The following ZNF503 variants were observed in gnomAD, a reference collection of about 807,000 sequenced individuals.
ZNF503 encodes the protein zinc finger protein 503.
A neutral mutation model predicts 34.4 loss-of-function variants in ZNF503; 15 were observed. The observed-to-expected ratio is 0.44, with a 90% CI of 0.29 to 0.67. The LOEUF is 0.67. Among genes scored for constraint, ZNF503 ranks in the 30% least tolerant of loss-of-function variants. The pLI, the probability that ZNF503 is intolerant of heterozygous loss-of-function variation, is 0.13. For missense variants in ZNF503, 1,007 were observed against 926.8 expected (o/e 1.09, Z -1.12); for synonymous variants, 580 against 456.8 (o/e 1.27, Z -3.44).
chr10:75,342,324 A>T, the ZNF503 span, among the ~76,000 whole-genome samples: 2 of 152,158 alleles, frequency 1.3e-5, no homozygotes, highest in African/African-American at 4.8e-5. Context: ...AGGTTCCCCA[A>T]GAAACAGACT....
the ZNF503 span, among the ~76,000 whole-genome samples, chr10:75,324,262 G>A: frequency 6.6e-6 from 1 of 151,482 alleles, no homozygotes; most frequent in African/African-American, 2.4e-5. Context: ...ATTTCTTCTA[G>A]AAGTACTGTA....
At chr10:75,365,147 G>C in the ZNF503 span, among the ~76,000 whole-genome samples, 1 of 152,150 alleles carries the variant, frequency 6.6e-6, no homozygotes, top group Non-Finnish European at 1.5e-5. Flanking sequence ...GTCCATCTCA[G>C]TTTTTCCTTT....
At chr10:75,364,918 T>A in the ZNF503 span, among the ~76,000 whole-genome samples, 3 of 152,080 alleles carry the variant, frequency 2.0e-5, no homozygotes, top group Non-Finnish European at 2.9e-5. Flanking sequence ...AGAGAGCAGG[T>A]TTAGGTAAGT....
chr10:75,401,381 A>T lies in ZNF503; in HGVS notation c.39T>A (p.Ser13Arg). Residue 13 changes from serine to arginine, a missense_variant, in exon 1 of 2, where the codon AGT (serine) becomes AGA (arginine). Ser to Arg is a moderately radical substitution (Grantham distance 110). Transcript: ENST00000372524. Reference protein sequence around the residue: ...TAPSLSALRSSKHSGGGGGGG... With the variant: ...TAPSLSALRSRKHSGGGGGGG... Reference sequence around the variant, plus strand: ...CGCCGCCGCCGCCGCCGCTGTGCTTACTGCTTCTTAGGGCAGAAAGCGAGG... The same window carrying T: ...CGCCGCCGCCGCCGCCGCTGTGCTTTCTGCTTCTTAGGGCAGAAAGCGAGG... 1.3e-6 allele frequency: 2 copies of T among 1,537,924 alleles called. No homozygotes were observed. Among genetic ancestry groups the T allele is most frequent in the Non-Finnish European group, 8.7e-7 (1 of 1,145,238 alleles).
chr10:75,377,256 A>G, the ZNF503 span, among the ~76,000 whole-genome samples: 1 of 152,190 alleles, frequency 6.6e-6, no homozygotes, highest in Admixed American at 6.5e-5. Flanking sequence ...CCCAGTGACA[A>G]GGTAACCTCC....
the ZNF503 span, among the ~76,000 whole-genome samples, chr10:75,342,292 G>A: frequency 1.3e-5 from 2 of 152,154 alleles, no homozygotes; most frequent in Admixed American, 1.3e-4. Context: ...GTGGGTTTCA[G>A]CTCCCACTTG....
the ZNF503 span, among the ~76,000 whole-genome samples, chr10:75,344,312 T>C: frequency 2.0e-5 from 3 of 152,198 alleles, no homozygotes; most frequent in Non-Finnish European, 4.4e-5. Flanking sequence ...TCTTCCTACT[T>C]GCTTCAACAT....
the ZNF503 span, among the ~76,000 whole-genome samples, chr10:75,386,159 T>A: frequency 1.3e-5 from 2 of 152,212 alleles, no homozygotes; most frequent in African/African-American, 4.8e-5. Context: ...CAGCTGGGTG[T>A]AGCCACGTGA....
chr10:75,318,947 CCTCT>C, the ZNF503 span, among the ~76,000 whole-genome samples: 209 of 148,906 alleles, frequency 1.4e-3, 1 homozygote, highest in Middle Eastern at 3.4e-3. Flanking sequence ...TCCTTCCTTC[CCTCT>C]CTCTCTCTCT....
At chr10:75,329,459 C>CTTTCTTTCTTTCTTTCTTTT in the ZNF503 span, among the ~76,000 whole-genome samples, 2 of 54,768 alleles carry the variant, frequency 3.7e-5, no homozygotes, top group African/African-American at 8.7e-5. Context: ...TTCTTTCTTT[C>CTTTCTTTCTTTCTTTCTTTT]TCTTTCTTTC....
intron 1 of ZNF503, chr10:75,400,896 G>A (rs1264654331): frequency 2.8e-6 from 2 of 722,614 alleles, no homozygotes; most frequent in Admixed American, 2.9e-5. Context: ...ACAAGTATTG[G>A]CAGCCTTGCT....
chr10:75,369,032 A>G, the ZNF503 span, among the ~76,000 whole-genome samples: 1 of 152,236 alleles, frequency 6.6e-6, no homozygotes, highest in African/African-American at 2.4e-5. Context: ...TGCAAACATC[A>G]ATAGGAACAA....
chr10:75,350,915 T>C, the ZNF503 span, among the ~76,000 whole-genome samples: 2 of 152,130 alleles, frequency 1.3e-5, no homozygotes, highest in Non-Finnish European at 1.5e-5. Flanking sequence ...CACTCAGCAG[T>C]ATGTCTTGGA....
chr10:75,314,346 A>G, the ZNF503 span, among the ~76,000 whole-genome samples: 1 of 152,220 alleles, frequency 6.6e-6, no homozygotes, highest in African/African-American at 2.4e-5. Context: ...CAATAAAGAA[A>G]TAGAAATCAT....
At chr10:75,348,507 ATTTT>A in the ZNF503 span, among the ~76,000 whole-genome samples, 1,327 of 99,338 alleles carry the variant, frequency 0.013, 13 homozygotes, top group Middle Eastern at 0.029. Context: ...CCCTATTACT[ATTTT>A]TTTTTTTTTT....
the ZNF503 span, among the ~76,000 whole-genome samples, chr10:75,365,139 C>T: frequency 1.3e-5 from 2 of 152,162 alleles, no homozygotes; most frequent in Non-Finnish European, 2.9e-5. Context: ...ATGCAATAGT[C>T]CATCTCAGTT....
At chr10:75,355,765 G>A in the ZNF503 span, among the ~76,000 whole-genome samples, 74 of 152,332 alleles carry the variant, frequency 4.9e-4, no homozygotes, top group African/African-American at 1.7e-3. Flanking sequence ...CATTTATTAT[G>A]TTTATAGGTT....
downstream of ZNF503, among the ~76,000 whole-genome samples, chr10:75,393,702 C>T (rs1843668345): frequency 1.3e-5 from 2 of 151,842 alleles, no homozygotes. Flanking sequence ...ACTAAAACTA[C>T]AAAAAATTTA....
the ZNF503 span, among the ~76,000 whole-genome samples, chr10:75,368,426 G>C: frequency 6.6e-6 from 1 of 152,088 alleles, no homozygotes; most frequent in Non-Finnish European, 1.5e-5. Context: ...GAAAGGAATA[G>C]ACAGATAAGA....
Sources: gnomAD v4.1 joint callset for allele counts (sites outside exome capture counted in the v4.1 genomes callset) on GRCh38, gnomAD v4.1.1 for gene constraint, MANE v1.5 for transcripts, NCBI Gene and HGNC (gene_info 2026-07-23, HGNC 2026-07-21) for gene names.